Variants in GALNT17 observed in about 807,000 individuals in gnomAD.
GALNT17 encodes the protein polypeptide N-acetylgalactosaminyltransferase 17.
Under a neutral mutation model 63.7 loss-of-function variants are expected in GALNT17, and 29 were observed. The observed-to-expected ratio is 0.46, with a 90% CI of 0.34 to 0.62. The LOEUF is 0.62. Among genes scored for constraint, GALNT17 ranks in the 20% least tolerant of loss-of-function variants. GALNT17 has a pLI of 0.01. For synonymous variants in GALNT17, 305 were observed against 318.3 expected, an observed-to-expected ratio of 0.96 and a Z score of 0.45; for missense variants, 603 against 799.6, an observed-to-expected ratio of 0.75 and a Z score of 2.97.
chr7:71,654,897 G>A (rs1047004656), intron 6 of GALNT17, among the ~76,000 whole-genome samples: 4 of 151,938 alleles, frequency 2.6e-5, no homozygotes, highest in Non-Finnish European at 5.9e-5. Flanking sequence ...CGAGCGATTC[G>A]TCTGCCTCAG....
intron 6 of GALNT17, among the ~76,000 whole-genome samples, chr7:71,615,530 G>A (rs1790189198): frequency 8.3e-6 from 1 of 120,620 alleles, no homozygotes; most frequent in Non-Finnish European, 1.6e-5. Context: ...AGACTGGAAT[G>A]TAGTGGCACA....
At chr7:71,458,714 T>A (rs968882821) in intron 5 of GALNT17, among the ~76,000 whole-genome samples, 2 of 152,072 alleles carry the variant, frequency 1.3e-5, no homozygotes, top group Non-Finnish European at 2.9e-5. Flanking sequence ...GGGAAGAGGA[T>A]CTTCCCCTGG....
intron 3 of GALNT17, among the ~76,000 whole-genome samples, chr7:71,400,107 C>T (rs1026032007): frequency 1.3e-5 from 2 of 152,102 alleles, no homozygotes; most frequent in Non-Finnish European, 2.9e-5. Flanking sequence ...AGGTTTCAAG[C>T]CCTGCATGCA....
intron 1 of GALNT17, among the ~76,000 whole-genome samples, chr7:71,253,500 A>G (rs1045488921): frequency 1.3e-5 from 2 of 150,518 alleles, no homozygotes; most frequent in Non-Finnish European, 2.9e-5. Flanking sequence ...CAGCCAAACC[A>G]TATTACCTAC....
At chr7:71,593,947 G>T (rs1233844550) in intron 6 of GALNT17, among the ~76,000 whole-genome samples, 2 of 152,036 alleles carry the variant, frequency 1.3e-5, no homozygotes, top group Non-Finnish European at 2.9e-5. Context: ...GAACAACCAC[G>T]CAGGGAAATT....
intron 5 of GALNT17, among the ~76,000 whole-genome samples, chr7:71,511,131 A>G (rs541480902): frequency 4.3e-4 from 65 of 152,256 alleles, no homozygotes; most frequent in African/African-American, 1.5e-3. Context: ...GCCGTGAGCC[A>G]TGATCATGCA....
chr7:71,390,224 G>A (rs1313739167), intron 3 of GALNT17, among the ~76,000 whole-genome samples: 2 of 152,208 alleles, frequency 1.3e-5, no homozygotes, highest in Admixed American at 6.5e-5. Context: ...TCGTCCGGAA[G>A]ATGGTGAGGA....
chr7:71,643,952 A>G (rs1790638518), intron 6 of GALNT17, among the ~76,000 whole-genome samples: 1 of 152,174 alleles, frequency 6.6e-6, no homozygotes, highest in Non-Finnish European at 1.5e-5. Context: ...GACATTTACA[A>G]TCTCCAGGTG....
At chr7:71,551,772 A>G (rs1420292400) in intron 5 of GALNT17, among the ~76,000 whole-genome samples, 27 of 111,094 alleles carry the variant, frequency 2.4e-4, no homozygotes, top group East Asian at 6.0e-4. Flanking sequence ...AAAAAAAAAA[A>G]AGAGAGAGAG....
intron 3 of GALNT17, among the ~76,000 whole-genome samples, chr7:71,398,459 T>C (rs1327386345): frequency 7.2e-5 from 11 of 152,214 alleles, no homozygotes; most frequent in African/African-American, 2.4e-5. Flanking sequence ...TAACATATTG[T>C]CCTTTTTTAT....
At chr7:71,401,393 G>A (rs970917792) in intron 3 of GALNT17, among the ~76,000 whole-genome samples, 1 of 151,992 alleles carries the variant, frequency 6.6e-6, no homozygotes, top group African/African-American at 2.4e-5. Context: ...CACCATGCCT[G>A]GCCCTCAATA....
At position 71,132,978 on chromosome 7, in the gene GALNT17, T is replaced by G; in HGVS notation, c.176T>G (p.Ile59Ser). The G allele has an allele frequency of 1.2e-6, 2 of 1,605,500 alleles. No homozygotes were observed. Among genetic ancestry groups the G allele is most frequent in the Non-Finnish European group, 1.7e-6 (2 of 1,177,146 alleles). ...ANLSAHSASP[I>S]QDAVLKRLSL... ...CTCAGCGCGCACAGCGCCAGCCCCA[T>G]CCAGGATGCGGTCCTGAAGCGCCTG... is the stretch of plus-strand genomic sequence containing the variant. Residue 59 changes from isoleucine to serine, a missense_variant, in exon 1 of 11, where the codon ATC becomes AGC. Physicochemically the swap from Ile to Ser is moderately radical, Grantham distance 142. This residue lies in a region of GALNT17 where 195 missense variants were observed against 215.0 expected (regional missense o/e 0.91). Transcript: ENST00000333538.
At chr7:71,373,768 A>G (rs114530452) in intron 2 of GALNT17, among the ~76,000 whole-genome samples, 1,928 of 151,914 alleles carry the variant, frequency 0.013, 47 homozygotes, top group African/African-American at 0.043. Context: ...CCCACGCCAC[A>G]CCCCCGGTTC....
intron 5 of GALNT17, among the ~76,000 whole-genome samples, chr7:71,460,304 T>C (rs1413623439): frequency 2.6e-5 from 4 of 152,176 alleles, no homozygotes; most frequent in Non-Finnish European, 2.9e-5. Context: ...AAAAGTAAGC[T>C]ACCAACTGTG....
At chr7:71,180,236 C>T (rs1788712244) in intron 1 of GALNT17, among the ~76,000 whole-genome samples, 1 of 152,064 alleles carries the variant, frequency 6.6e-6, no homozygotes, top group Non-Finnish European at 1.5e-5. Flanking sequence ...GTCGATTCTC[C>T]TGCCTCAGCC....
intron 1 of GALNT17, among the ~76,000 whole-genome samples, chr7:71,211,547 C>T (rs1159394067): frequency 1.3e-5 from 2 of 152,146 alleles, no homozygotes; most frequent in African/African-American, 2.4e-5. Context: ...AATGTGGAAG[C>T]AGCTTTGGAA....
chr7:71,399,298 C>A (rs1249566413), intron 3 of GALNT17, among the ~76,000 whole-genome samples: 3 of 152,168 alleles, frequency 2.0e-5, no homozygotes, highest in Non-Finnish European at 4.4e-5. Context: ...TTCAAATAGC[C>A]TTCGTGCTAG....
At chr7:71,236,280 A>G (rs781162586) in intron 1 of GALNT17, among the ~76,000 whole-genome samples, 5 of 152,114 alleles carry the variant, frequency 3.3e-5, no homozygotes, top group African/African-American at 4.8e-5. Flanking sequence ...TGAGGGCTTC[A>G]TTGCTACCCT....
At chr7:71,443,578 C>T (rs1787107862) in intron 5 of GALNT17, among the ~76,000 whole-genome samples, 1 of 152,298 alleles carries the variant, frequency 6.6e-6, no homozygotes, top group Middle Eastern at 3.4e-3. Flanking sequence ...CCACGTGATG[C>T]CTGCCCCATC....
Sources: allele counts gnomAD v4.1 joint callset (sites outside exome capture counted in the v4.1 genomes callset), GRCh38; gene constraint gnomAD v4.1.1; regional missense constraint gnomAD v4.1.1; transcripts MANE v1.5; gene names NCBI Gene and HGNC (gene_info 2026-07-23, HGNC 2026-07-21).